Variants in GINM1 observed in about 807,000 individuals in gnomAD.
GINM1 encodes glycoprotein integral membrane protein 1.
In GINM1, 29 loss-of-function variants were observed where a neutral mutation model predicts 37.8. The observed-to-expected ratio is 0.77, with a 90% CI of 0.57 to 1.05. GINM1 has a LOEUF of 1.05. Among genes scored for constraint, GINM1 ranks in the 50% least tolerant of loss-of-function variants. GINM1 has a pLI of 0.00. For synonymous variants in GINM1, 143 were observed against 146.2 expected, an observed-to-expected ratio of 0.98 and a Z score of 0.16; for missense variants, 377 against 397.9, an observed-to-expected ratio of 0.95 and a Z score of 0.45.
chr6:149,581,316 G>A (rs1026965511), intron 6 of GINM1, among the ~76,000 whole-genome samples: 8 of 152,064 alleles, frequency 5.3e-5, no homozygotes, highest in East Asian at 3.9e-4. Context: ...ACGCTACCAC[G>A]CCCAGCTAAT....
At chr6:149,572,180 A>G (rs1174286867) in intron 1 of GINM1, 105 bp from the exon 2 acceptor site, 4 of 620,986 alleles carry the variant, frequency 6.4e-6, no homozygotes, top group East Asian at 5.6e-5. Context: ...TAATGCTGTT[A>G]TAAGTGATTG....
At position 149,566,391 on chromosome 6, in the gene GINM1, T is replaced by C; in HGVS notation, c.-24T>C. The stretch of plus-strand genomic sequence containing the variant: ...TCCGCCCTCACCTCCCGGCCGCGGC[T>C]GCCCTCTGCCCGGGTTGTCCAAGAT... On this transcript the variant is annotated 5_prime_UTR_variant, in exon 1 of 8. Coordinates refer to ENST00000367419, the MANE Select transcript of GINM1 (RefSeq NM_138785.5). This position sits in a 1 kb window ranked among gnomAD's most constrained non-coding sequence, Gnocchi z 4.4. The C allele has an allele frequency of 6.6e-7, 1 of 1,511,704 alleles. No homozygotes were observed. Among genetic ancestry groups the C allele is most frequent in the African/African-American group, 1.4e-5 (1 of 69,136 alleles). 93.6% of individuals were successfully genotyped at this position (1,511,704 alleles called of 1,614,324 possible). A position where few individuals can be genotyped will look rare whatever the true frequency, so the allele number is the denominator to read the frequency against.
intron 3 of GINM1, among the ~76,000 whole-genome samples, chr6:149,573,353 C>T (rs186333569): frequency 8.0e-4 from 87 of 109,416 alleles, no homozygotes; most frequent in African/African-American, 3.2e-3. Flanking sequence ...AGCAAGATCC[C>T]AGGAGTTTGA....
intron 3 of GINM1, among the ~76,000 whole-genome samples, chr6:149,574,564 A>G (rs1008964696): frequency 2.6e-5 from 4 of 151,996 alleles, no homozygotes; most frequent in South Asian, 2.1e-4. Flanking sequence ...TAATTTTACT[A>G]TTCTTTTAGT....
chr6:149,575,478 G>T (rs1347182973), intron 3 of GINM1, among the ~76,000 whole-genome samples: 1 of 152,210 alleles, frequency 6.6e-6, no homozygotes, highest in Non-Finnish European at 1.5e-5. Context: ...CCTAGTCGTT[G>T]CTTTCTACTC....
rs77003528 is a variant in GINM1 at position 149,585,304 on chromosome 6, T to C, written c.881+2701T>C. ...TACAGAACTATAGAGAGCAATGAACTGAAAGTATCCCTTCTCTGTTCTTCA... is the reference window on the plus strand; with the variant it reads ...TACAGAACTATAGAGAGCAATGAACCGAAAGTATCCCTTCTCTGTTCTTCA... On this transcript the variant is annotated intron_variant, in intron 7 of 7. Transcript: ENST00000367419. 4.0e-3 allele frequency among the ~76,000 whole-genome samples: 612 copies of C among 152,320 alleles called. 3 individuals are homozygous for C. The highest frequency in any genetic ancestry group is 0.014 in the African/African-American group (583 of 41,576).
Position 149,579,904 on chromosome 6 carries a change from A to G in GINM1, c.500A>G (p.Tyr167Cys), listed in dbSNP as rs1444433787. ...CGGGGAGTACTCAGACATTCAAACT[A>G]TACCCTCCCTTTGGAAGAAAGCATG... ...KNRGVLRHSN[Y>C]TLPLEESMLY... Residue 167 changes from tyrosine to cysteine, a missense_variant, in exon 5 of 8, where the codon TAT becomes TGT. Physicochemically the swap from Tyr to Cys is radical, Grantham distance 194 (BLOSUM62 -2). Transcript: ENST00000367419. The G allele has an allele frequency of 5.0e-6, 8 of 1,607,958 alleles. No homozygotes were observed. In the African/African-American group the frequency reaches 6.7e-5, roughly 13 times the overall value.
Position 149,591,480 on chromosome 6 carries a change from C to T in GINM1, c.*642C>T, listed in dbSNP as rs1778154194. 1 of 151,594 alleles carries T rather than the reference C, an allele frequency of 6.6e-6. No homozygotes were observed. The highest frequency in any genetic ancestry group is 1.5e-5 in the Non-Finnish European group (1 of 67,936). 9.4% of individuals were successfully genotyped at this position (151,594 alleles called of 1,614,324 possible). A position where few individuals can be genotyped will look rare whatever the true frequency, so the allele number is the denominator to read the frequency against. On this transcript the variant is annotated 3_prime_UTR_variant, in exon 8 of 8. Coordinates refer to ENST00000367419, the MANE Select transcript of GINM1 (RefSeq NM_138785.5). ...GGTGCCTTTGTTAAGGAAATTATAT[C>T]CACTTAATTACTATAATATATAAGA...
intron 3 of GINM1, among the ~76,000 whole-genome samples, chr6:149,574,553 G>A (rs1295981975): frequency 6.6e-6 from 1 of 152,000 alleles, no homozygotes; most frequent in East Asian, 1.9e-4. Context: ...TTGGTTTTAC[G>A]TAATTTTACT....
Position 149,572,300 on chromosome 6 carries a change from A to G in GINM1, c.136A>G (p.Asn46Asp). ...TGTTTTACAGGACGGCATCAGAATT[A>G]ATGTAACTACACTGAAAGATGATGG... Reference protein sequence around the residue: ...SGAPQDGIRINVTTLKDDGDI... With the variant: ...SGAPQDGIRIDVTTLKDDGDI... Residue 46 changes from asparagine to aspartate, a missense_variant, in exon 2 of 8, where the codon AAT becomes GAT. Coordinates refer to ENST00000367419, the MANE Select transcript of GINM1 (RefSeq NM_138785.5). 6.3e-7 allele frequency: 1 copy of G among 1,597,436 alleles called. No individual in the cohort carries two copies. The highest frequency in any genetic ancestry group is 1.1e-5 in the South Asian group (1 of 88,014).
At position 149,566,546 on chromosome 6, in the gene GINM1, C is replaced by T; in HGVS notation, c.120+12C>T. 2 of 1,498,842 alleles carry T rather than the reference C, an allele frequency of 1.3e-6. No individual in the cohort carries two copies. Among genetic ancestry groups the T allele is most frequent in the Non-Finnish European group, 1.8e-6 (2 of 1,129,142 alleles). The allele number at this position is 1,498,842 out of a possible 1,614,324, so 92.8% of individuals were successfully genotyped here. On this transcript the variant is annotated intron_variant, in intron 1 of 7. Transcript: ENST00000367419. This position sits in a 1 kb window ranked among gnomAD's most constrained non-coding sequence, Gnocchi z 4.4. ...CCGGAGCCCCACAGGTAGGGCAGGG[C>T]GGGCCTGGCTGGCCGCTTTACGACT...
chr6:149,585,080 T>A (rs2115062401), intron 7 of GINM1, among the ~76,000 whole-genome samples: 1 of 152,306 alleles, frequency 6.6e-6, no homozygotes, highest in South Asian at 2.1e-4. Context: ...CAGATTTCTT[T>A]CCCCTTTGGC....
In GINM1 at chr6:149,590,979, T is replaced by C. The variant is rs1778146199; in HGVS notation, c.*141T>C. The C allele has an allele frequency of 3.5e-6, 2 of 576,246 alleles. No individual in the cohort carries two copies. Among genetic ancestry groups the C allele is most frequent in the Non-Finnish European group, 6.1e-6 (2 of 326,506 alleles). 35.7% of individuals were successfully genotyped at this position (576,246 alleles called of 1,614,324 possible). ...CTCTAAGACTGCCTGAAAATTGACC[T>C]TTACAGTGCCAAGTTAAAGTTTACC... On this transcript the variant is annotated 3_prime_UTR_variant, in exon 8 of 8. Transcript: ENST00000367419.
intron 1 of GINM1, among the ~76,000 whole-genome samples, chr6:149,571,181 GAT>G (rs1777815564): frequency 6.6e-6 from 1 of 152,072 alleles, no homozygotes; most frequent in Non-Finnish European, 1.5e-5. Context: ...CAGGTGTGGT[GAT>G]GCATGCCTGT....
intron 7 of GINM1, 106 bp downstream of exon 7, chr6:149,582,709 CAA>C (rs1411741646): frequency 1.3e-6 from 1 of 776,426 alleles, no homozygotes; most frequent in East Asian, 3.0e-5. Flanking sequence ...AAGGGTAAGA[CAA>C]ATGGGAGGGA....
chr6:149,574,718 A>T (rs184474332), intron 3 of GINM1, among the ~76,000 whole-genome samples: 64 of 152,172 alleles, frequency 4.2e-4, no homozygotes, highest in Non-Finnish European at 7.1e-4. Context: ...AGGGAAACCT[A>T]TGAGCCCAGT....
At chr6:149,569,225 G>A (rs913785318) in intron 1 of GINM1, among the ~76,000 whole-genome samples, 1 of 151,654 alleles carries the variant, frequency 6.6e-6, no homozygotes, top group Admixed American at 6.6e-5. Flanking sequence ...TAGTAGAGAT[G>A]GGGTTTCACC....
At chr6:149,580,487 G>A (rs1301247653) in intron 5 of GINM1, 106 bp from the exon 6 acceptor site, 27 of 997,532 alleles carry the variant, frequency 2.7e-5, no homozygotes, top group Non-Finnish European at 3.8e-5. Context: ...TTCTCCCATG[G>A]TAAAATATGT....
chr6:149,572,023 G>A (rs1367025333), intron 1 of GINM1, among the ~76,000 whole-genome samples: 3 of 152,068 alleles, frequency 2.0e-5, no homozygotes, highest in African/African-American at 7.2e-5. Context: ...GGAGATTGCA[G>A]TGAGCCCAGA....
Sources: allele counts gnomAD v4.1 joint callset (sites outside exome capture counted in the v4.1 genomes callset), GRCh38; gene constraint gnomAD v4.1.1; non-coding constraint Gnocchi (gnomAD v3.1); transcripts MANE v1.5; gene names NCBI Gene and HGNC (gene_info 2026-07-23, HGNC 2026-07-21).